ZNF445: variants seen among roughly 807,000 people sequenced by gnomAD.
ZNF445 encodes the protein zinc finger protein 168.
ZNF445 carries 19 observed loss-of-function variants against 93.9 expected under a neutral mutation model. The observed-to-expected ratio is 0.20, with a 90% confidence interval of 0.14 to 0.30. ZNF445 has a LOEUF of 0.30. Among genes scored for constraint, ZNF445 ranks in the 10% least tolerant of loss-of-function variants. The pLI is 1.00. For missense variants in ZNF445, 1,058 were observed against 1,259.4 expected (o/e 0.84, Z 2.42); for synonymous variants, 449 against 446.3 (o/e 1.01, Z -0.08).
intron 6 of ZNF445, 41 bp from the exon 7 acceptor site, chr3:44,449,664 G>A (rs1697931042): frequency 6.6e-7 from 1 of 1,507,842 alleles, no homozygotes; most frequent in Admixed American, 1.7e-5. Context: ...GGAGATGGAT[G>A]ACACAGAACT....
chr3:44,461,119 A>G (rs1428944068), intron 1 of ZNF445, among the ~76,000 whole-genome samples: 1 of 152,118 alleles, frequency 6.6e-6, no homozygotes, highest in East Asian at 1.9e-4. Context: ...GAGTGTCTGC[A>G]TTGGTGAGTA....
At chr3:44,473,789 C>T (rs1341959473) in intron 1 of ZNF445, among the ~76,000 whole-genome samples, 1 of 146,794 alleles carries the variant, frequency 6.8e-6, no homozygotes, top group Non-Finnish European at 1.5e-5. Context: ...CAAAGAGCTA[C>T]AATAATTTCA....
At chr3:44,455,017 G>A in intron 3 of ZNF445, 104 bp downstream of exon 3, 1 of 1,406,894 alleles carries the variant, frequency 7.1e-7, no homozygotes, top group African/African-American at 1.4e-5. Context: ...GGCTTCCCCT[G>A]CACTCCTCTA....
At chr3:44,459,212 T>A (rs994593161) in intron 1 of ZNF445, among the ~76,000 whole-genome samples, 3 of 152,192 alleles carry the variant, frequency 2.0e-5, no homozygotes, top group Admixed American at 2.0e-4. Flanking sequence ...GTTTATTGTA[T>A]CGTTTACAAC....
At chr3:44,449,912 A>G (rs936432494) in intron 6 of ZNF445, among the ~76,000 whole-genome samples, 5 of 152,162 alleles carry the variant, frequency 3.3e-5, no homozygotes, top group Non-Finnish European at 2.9e-5. Context: ...CAGACTAGGA[A>G]CTTAAAACAT....
rs1000297945 is a variant in ZNF445, at chr3:44,444,376, G to A, written c.*2199C>T. 8.5e-5 allele frequency: 13 copies of A among 152,258 alleles called. No homozygotes were observed. Among genetic ancestry groups the A allele is most frequent in the African/African-American group, 2.9e-4 (12 of 41,542 alleles). The allele number at this position is 152,258 out of a possible 1,614,324, so 9.4% of individuals were successfully genotyped here. A position where few individuals can be genotyped will look rare whatever the true frequency, so the allele number is the denominator to read the frequency against. ...CCAAGCCCTCTTTCACCAATCTCAG[G>A]AATCAGGTAGCACAGCCAAGCACTC... On this transcript the variant is annotated 3_prime_UTR_variant, in exon 8 of 8. Transcript: ENST00000396077.
Position 44,447,617 on chromosome 3 carries a change from T to G in ZNF445, c.2054A>C (p.Gln685Pro), listed in dbSNP as rs768891336. The stretch of plus-strand genomic sequence containing the variant: ...CTTTCTAGTAAAAGTTTTCCCACAC[T>G]GCTGACACAGAAATGTTTTCTCCAC... ...PAVEKTFLCQQCGKTFTRKKT... is the reference protein window; with the variant it reads ...PAVEKTFLCQPCGKTFTRKKT... The change falls in exon 8 of 8, where the codon CAG becomes CCG. Residue 685 changes from glutamine (Q) to proline (P), a missense_variant. Physicochemically the swap from Gln to Pro is moderately conservative, Grantham distance 76. This residue lies in a region of ZNF445 where 387 missense variants were observed against 475.7 expected (regional missense o/e 0.81). Coordinates refer to ENST00000396077, the MANE Select transcript of ZNF445 (RefSeq NM_181489.6). The surrounding 1 kb of genome is among the most constrained non-coding windows in gnomAD (Gnocchi z 4.7). 3.7e-6 allele frequency: 6 copies of G among 1,614,070 alleles called. No individual in the cohort carries two copies. The highest frequency in any genetic ancestry group is 5.1e-6 in the Non-Finnish European group (6 of 1,180,052).
In ZNF445 at chr3:44,447,586, A is replaced by C; in HGVS notation, c.2085T>G (p.Thr695=). ...QCGKTFTRKK[T]LVDHQRIHTG... ...TGTGAATTCTCTGGTGGTCAACGAGAGTTTTCTTTCTAGTAAAAGTTTTCC... is the reference window on the plus strand; with the variant it reads ...TGTGAATTCTCTGGTGGTCAACGAGCGTTTTCTTTCTAGTAAAAGTTTTCC... The change falls in exon 8 of 8, where the codon ACT becomes ACG. Residue 695 remains threonine (T), a synonymous_variant. Coordinates refer to ENST00000396077, the MANE Select transcript of ZNF445 (RefSeq NM_181489.6). The surrounding 1 kb of genome is among the most constrained non-coding windows in gnomAD (Gnocchi z 4.7). 6.2e-7 allele frequency: 1 copy of C among 1,614,132 alleles called. No individual in the cohort carries two copies. The highest frequency in any genetic ancestry group is 1.3e-5 in the African/African-American group (1 of 75,034).
chr3:44,463,203 A>T (rs748993322), intron 1 of ZNF445, among the ~76,000 whole-genome samples: 2 of 151,996 alleles, frequency 1.3e-5, no homozygotes, highest in African/African-American at 2.4e-5. Flanking sequence ...CACCCAGCTA[A>T]TTTTTGTATT....
chr3:44,452,226 G>A (rs999427551), intron 3 of ZNF445, among the ~76,000 whole-genome samples: 2 of 152,140 alleles, frequency 1.3e-5, no homozygotes, highest in African/African-American at 4.8e-5. Flanking sequence ...GGCCGAGACA[G>A]TCTTTATACC....
intron 7 of ZNF445, 42 bp downstream of exon 7, chr3:44,449,471 A>G: frequency 6.8e-7 from 1 of 1,473,284 alleles, no homozygotes; most frequent in Non-Finnish European, 9.5e-7. Context: ...GAGAAAAGTA[A>G]AAGCAGGAGG....
In ZNF445 at chr3:44,443,185, T is replaced by TG; in HGVS notation, c.*3389dup. 1 of 152,292 alleles carries TG rather than the reference T, an allele frequency of 6.6e-6. No homozygotes were observed. Among genetic ancestry groups the TG allele is most frequent in the Non-Finnish European group, 1.5e-5 (1 of 68,058 alleles). 9.4% of individuals were successfully genotyped at this position (152,292 alleles called of 1,614,324 possible). A position where few individuals can be genotyped will look rare whatever the true frequency, so the allele number is the denominator to read the frequency against. On this transcript the variant is annotated 3_prime_UTR_variant, in exon 8 of 8. Transcript: ENST00000396077. ...GGAGGCAGCACAAGGCAGAACACTC[T>TG]GGGGGGCTGGCATGGGGAAGGGACA...
intron 6 of ZNF445, among the ~76,000 whole-genome samples, chr3:44,449,904 G>C (rs895743936): frequency 6.6e-6 from 1 of 152,140 alleles, no homozygotes; most frequent in Admixed American, 6.5e-5. Context: ...TGTCTAAACA[G>C]ACTAGGAACT....
chr3:44,449,515 G>A lies in ZNF445; in HGVS notation c.929C>T (p.Thr310Ile). ...CTGGCAGGTTCTCTGGAACTCACCT[G>A]TAGGAGCAGCAACTGGATTCCCCTT... The part of the protein sequence containing the change: ...QPKGNPVAAP[T>I]GDDLQSKTNK... The change falls in exon 7 of 8, where the codon ACA (threonine) becomes ATA (isoleucine). Residue 310 changes from threonine (T) to isoleucine (I), a missense_variant and splice_region_variant. Physicochemically the swap from Thr to Ile is moderately conservative, Grantham distance 89. This residue lies in a region of ZNF445 where 657 missense variants were observed against 746.4 expected (regional missense o/e 0.88). Coordinates refer to ENST00000396077, the MANE Select transcript of ZNF445 (RefSeq NM_181489.6). The A allele has an allele frequency of 6.2e-7, 1 of 1,613,816 alleles. No homozygotes were observed. Among genetic ancestry groups the A allele is most frequent in the Non-Finnish European group, 8.5e-7 (1 of 1,179,680 alleles).
rs1053756847 is a variant in ZNF445 at position 44,433,843 on chromosome 3, A to T, written c.*12732T>A. 5.3e-5 allele frequency: 8 copies of T among 152,166 alleles called. No individual in the cohort carries two copies. Among genetic ancestry groups the T allele is most frequent in the African/African-American group, 9.7e-5 (4 of 41,400 alleles). 9.4% of individuals were successfully genotyped at this position (152,166 alleles called of 1,614,324 possible). ...TGCTGTCAGGGTCTTGAAATTCTGA[A>T]TGGTCTTGAACATCATGCACTGCAC... On this transcript the variant is annotated 3_prime_UTR_variant, in exon 8 of 8. Transcript: ENST00000396077.
chr3:44,474,997 C>A (rs978486211), intron 1 of ZNF445, among the ~76,000 whole-genome samples: 3 of 151,884 alleles, frequency 2.0e-5, no homozygotes, highest in Admixed American at 2.0e-4. Context: ...ACTCAGGAGG[C>A]TAAGGAGGGA....
At chr3:44,462,455 T>C (rs1204515928) in intron 1 of ZNF445, among the ~76,000 whole-genome samples, 1 of 152,222 alleles carries the variant, frequency 6.6e-6, no homozygotes, top group African/African-American at 2.4e-5. Flanking sequence ...GGAAGAACAG[T>C]AGAAACCGCT....
Position 44,433,469 on chromosome 3 carries a change from A to C in ZNF445, c.*13106T>G, listed in dbSNP as rs1697604063. The C allele has an allele frequency of 1.3e-5, 2 of 152,168 alleles. No homozygotes were observed. Among genetic ancestry groups the C allele is most frequent in the African/African-American group, 4.8e-5 (2 of 41,420 alleles). The allele number at this position is 152,168 out of a possible 1,614,324, so 9.4% of individuals were successfully genotyped here. ...GATTGAGGATGTGGACATTTTGTTGAGGAAAGAAATAGGACAGACAACTCA... is the reference window on the plus strand; with the variant it reads ...GATTGAGGATGTGGACATTTTGTTGCGGAAAGAAATAGGACAGACAACTCA... On this transcript the variant is annotated 3_prime_UTR_variant, in exon 8 of 8. Coordinates refer to ENST00000396077, the MANE Select transcript of ZNF445 (RefSeq NM_181489.6).
At chr3:44,459,272 C>T (rs1384330110) in intron 1 of ZNF445, among the ~76,000 whole-genome samples, 1 of 152,120 alleles carries the variant, frequency 6.6e-6, no homozygotes, top group Non-Finnish European at 1.5e-5. Flanking sequence ...TTGTGAGCTG[C>T]TCTGCCAAAT....
Sources: gnomAD v4.1 joint callset for allele counts (sites outside exome capture counted in the v4.1 genomes callset) on GRCh38, gnomAD v4.1.1 for gene constraint, gnomAD v4.1.1 regional missense constraint, Gnocchi (gnomAD v3.1) non-coding constraint, MANE v1.5 for transcripts, NCBI Gene and HGNC (gene_info 2026-07-23, HGNC 2026-07-21) for gene names.